MARK2: variants seen among roughly 807,000 people sequenced by gnomAD.
The protein encoded by MARK2 is serine/threonine-protein kinase MARK2.
A neutral mutation model predicts 89.8 loss-of-function variants in MARK2; 16 were observed. The ratio of observed to expected loss-of-function variants is 0.18; its 90% CI spans 0.12 to 0.27. The LOEUF (loss-of-function observed/expected upper bound fraction) is 0.27. Among genes scored for constraint, MARK2 ranks in the 10% least tolerant of loss-of-function variants. MARK2 has a pLI of 1.00. For synonymous variants in MARK2, 382 were observed against 399.5 expected, an observed-to-expected ratio of 0.96 and a Z score of 0.52; for missense variants, 621 against 1,049.9, an observed-to-expected ratio of 0.59 and a Z score of 5.65.
At position 63,867,370 on chromosome 11, in the gene MARK2, G is replaced by A. The variant is rs1938195964; in HGVS notation, c.55-27789G>A. Among the ~76,000 whole-genome samples the A allele has an allele frequency of 3.9e-5, 6 of 152,298 alleles. No individual in the cohort carries two copies. The South Asian group carries it at 1.2e-3, about 32-fold the overall frequency. On this transcript the variant is annotated intron_variant, in intron 1 of 18. Coordinates refer to ENST00000402010, the MANE Select transcript of MARK2 (RefSeq NM_001039469.3). ...GCTGAGCTATAGAACTGGTTGAATG[G>A]GAATTAGGGAAAACAGACAACCAAT...
At chr11:63,843,042 A>G (rs560014849) in intron 1 of MARK2, among the ~76,000 whole-genome samples, 5 of 151,612 alleles carry the variant, frequency 3.3e-5, no homozygotes, top group East Asian at 1.9e-4. Flanking sequence ...TGTCTTTAAG[A>G]TGGTTTTTGT....
Position 63,855,859 on chromosome 11 carries a change from G to T in MARK2, c.54+16299G>T, listed in dbSNP as rs528832275. Among the ~76,000 whole-genome samples the T allele has an allele frequency of 1.6e-3, 237 of 152,150 alleles. 2 individuals carry two copies. The highest frequency in any genetic ancestry group is 0.011 in the South Asian group (52 of 4,722). The stretch of plus-strand genomic sequence containing the variant: ...AAGAATGTAAAGCACTGCTACTCTT[G>T]TGGTGAAATTTCATTTTGTTTTGGA... On this transcript the variant is annotated intron_variant, in intron 1 of 18. Transcript: ENST00000402010.
At chr11:63,863,759 C>T (rs1158809962) in intron 1 of MARK2, among the ~76,000 whole-genome samples, 3 of 151,090 alleles carry the variant, frequency 2.0e-5, no homozygotes, top group Admixed American at 6.6e-5. Flanking sequence ...CCACTGTGCC[C>T]CCCCGCCCCA....
intron 1 of MARK2, among the ~76,000 whole-genome samples, chr11:63,867,645 T>A (rs1591009527): frequency 6.6e-6 from 1 of 152,344 alleles, no homozygotes; most frequent in South Asian, 2.1e-4. Flanking sequence ...TGGGCCTGTC[T>A]CAAGTTTCCA....
rs1441157494 is a variant in MARK2 at position 63,888,709 on chromosome 11, G to A, written c.55-6450G>A. On this transcript the variant is annotated intron_variant, in intron 1 of 18. Coordinates refer to ENST00000402010, the MANE Select transcript of MARK2 (RefSeq NM_001039469.3). ...GCCAAACCCAGTCTCTCTGCTAGTGGTGGTTTCGGTTGCGACACCGTCCAG... is the reference window on the plus strand; with the variant it reads ...GCCAAACCCAGTCTCTCTGCTAGTGATGGTTTCGGTTGCGACACCGTCCAG... 7 of 1,191,424 alleles carry A rather than the reference G, an allele frequency of 5.9e-6. No homozygotes were observed. The Admixed American group carries it at 2.5e-4, about 43-fold the overall frequency. 73.8% of individuals were successfully genotyped at this position (1,191,424 alleles called of 1,614,324 possible).
intron 1 of MARK2, among the ~76,000 whole-genome samples, chr11:63,857,707 T>A (rs2016935064): frequency 2.0e-5 from 3 of 152,188 alleles, no homozygotes; most frequent in African/African-American, 7.2e-5. Flanking sequence ...ATAGATAAAA[T>A]TCATATAAAC....
intron 1 of MARK2, chr11:63,882,584 C>CA (rs977798182): frequency 1.5e-4 from 22 of 146,490 alleles, no homozygotes; most frequent in South Asian, 4.3e-4. Flanking sequence ...AACTCTGTCT[C>CA]AAAAAAAAAA....
chr11:63,844,475 C>G (rs975908522), intron 1 of MARK2, among the ~76,000 whole-genome samples: 1 of 152,118 alleles, frequency 6.6e-6, no homozygotes, highest in South Asian at 2.1e-4. Context: ...CAGAGCAAGA[C>G]ACTATCTCAG....
intron 6 of MARK2, 107 bp downstream of exon 6, chr11:63,898,940 G>A (rs184378804): frequency 1.6e-6 from 2 of 1,243,184 alleles, no homozygotes; most frequent in Non-Finnish European, 2.4e-6. Context: ...GGTACTTTGG[G>A]CTCTGCTTAT....
At chr11:63,861,773 C>G (rs796730026) in intron 1 of MARK2, among the ~76,000 whole-genome samples, 42 of 146,686 alleles carry the variant, frequency 2.9e-4, no homozygotes, top group African/African-American at 1.0e-3. Flanking sequence ...CAGAGTCTCG[C>G]TCTTGTTGTC....
chr11:63,862,825 G>A (rs1937882875), intron 1 of MARK2, among the ~76,000 whole-genome samples: 1 of 151,674 alleles, frequency 6.6e-6, no homozygotes, highest in Non-Finnish European at 1.5e-5. Context: ...ATGAAATGTT[G>A]GGATTCTAGA....
At chr11:63,853,009 T>G (rs1170419519) in intron 1 of MARK2, among the ~76,000 whole-genome samples, 1 of 152,196 alleles carries the variant, frequency 6.6e-6, no homozygotes, top group Non-Finnish European at 1.5e-5. Context: ...GAGAGACGAA[T>G]GAAGTCTTGA....
At chr11:63,863,924 A>G (rs1937970876) in intron 1 of MARK2, among the ~76,000 whole-genome samples, 1 of 151,842 alleles carries the variant, frequency 6.6e-6, no homozygotes, top group South Asian at 2.1e-4. Flanking sequence ...GGCACGTCCC[A>G]CTACACCCAG....
At chr11:63,886,082 T>C (rs553919940) in intron 1 of MARK2, among the ~76,000 whole-genome samples, 16 of 151,660 alleles carry the variant, frequency 1.1e-4, no homozygotes, top group African/African-American at 2.9e-4. Flanking sequence ...TGAGCCGAGA[T>C]TGCGCCACTG....
At chr11:63,907,970 C>G (rs954374992) in intron 17 of MARK2, among the ~76,000 whole-genome samples, 6 of 152,268 alleles carry the variant, frequency 3.9e-5, no homozygotes, top group Non-Finnish European at 7.3e-5. Context: ...TGCACAGCCA[C>G]TCCCCCTCCT....
Position 63,904,646 on chromosome 11 carries a change from C to A in MARK2, c.1677-140C>A. On this transcript the variant is annotated intron_variant, in intron 15 of 18. Coordinates refer to ENST00000402010, the MANE Select transcript of MARK2 (RefSeq NM_001039469.3). The surrounding 1 kb of genome is among the most constrained non-coding windows in gnomAD (Gnocchi z 6.3). ...CTCACCACTGTCCTCAGTAGTCACACCCTTCCTTCTGTGTCCTCGTGATGG... is the reference window on the plus strand; with the variant it reads ...CTCACCACTGTCCTCAGTAGTCACAACCTTCCTTCTGTGTCCTCGTGATGG... The A allele has an allele frequency of 1.4e-6, 1 of 722,126 alleles. No homozygotes were observed. The highest frequency in any genetic ancestry group is 2.5e-6 in the Non-Finnish European group (1 of 404,982). 44.7% of individuals were successfully genotyped at this position (722,126 alleles called of 1,614,324 possible).
At chr11:63,845,300 C>T (rs1265801694) in intron 1 of MARK2, among the ~76,000 whole-genome samples, 2 of 152,114 alleles carry the variant, frequency 1.3e-5, no homozygotes, top group African/African-American at 4.8e-5. Flanking sequence ...GCCAGTTTCC[C>T]CACTTTCCCA....
chr11:63,877,217 C>T (rs1300034935), intron 1 of MARK2, among the ~76,000 whole-genome samples: 3 of 145,162 alleles, frequency 2.1e-5, no homozygotes, highest in Non-Finnish European at 4.5e-5. Flanking sequence ...CACAGGTGAT[C>T]CTCCCACCTG....
At chr11:63,896,345 A>T (rs1007869927) in intron 3 of MARK2, among the ~76,000 whole-genome samples, 11 of 152,234 alleles carry the variant, frequency 7.2e-5, no homozygotes, top group Admixed American at 7.2e-4. Flanking sequence ...GATACAGGGG[A>T]GTGGCTTTAG....
Sources: gnomAD v4.1 joint callset for allele counts (sites outside exome capture counted in the v4.1 genomes callset) on GRCh38, gnomAD v4.1.1 for gene constraint, Gnocchi (gnomAD v3.1) non-coding constraint, MANE v1.5 for transcripts, NCBI Gene and HGNC (gene_info 2026-07-23, HGNC 2026-07-21) for gene names.